CTNND2: variants seen among roughly 807,000 people sequenced by gnomAD.
CTNND2 encodes catenin delta 2.
CTNND2 carries 22 observed loss-of-function variants against 144.4 expected under a neutral mutation model. That is an observed-to-expected ratio of 0.15 (90% confidence interval 0.11 to 0.22). The LOEUF (loss-of-function observed/expected upper bound fraction) is 0.22. Among genes scored for constraint, CTNND2 ranks in the 10% least tolerant of loss-of-function variants. The pLI, the probability that CTNND2 is intolerant of heterozygous loss-of-function variation, is 1.00. For missense variants in CTNND2, 1,353 were observed against 1,618.8 expected, an observed-to-expected ratio of 0.84 and a Z score of 2.82; for synonymous variants, 751 against 695.6, an observed-to-expected ratio of 1.08 and a Z score of -1.25.
At chr5:11,158,056 C>T (rs1046572704) in intron 12 of CTNND2, among the ~76,000 whole-genome samples, 10 of 152,182 alleles carry the variant, frequency 6.6e-5, no homozygotes, top group African/African-American at 2.4e-4. Flanking sequence ...TCAAACACCA[C>T]GAAGACATAC....
At chr5:11,512,563 C>G (rs1771754249) in intron 3 of CTNND2, among the ~76,000 whole-genome samples, 1 of 152,180 alleles carries the variant, frequency 6.6e-6, no homozygotes, top group Non-Finnish European at 1.5e-5. Flanking sequence ...AAAGTCACCA[C>G]CTCCTTTCTA....
chr5:11,269,772 A>T (rs545417624), intron 9 of CTNND2, among the ~76,000 whole-genome samples: 1 of 152,296 alleles, frequency 6.6e-6, no homozygotes, highest in South Asian at 2.1e-4. Context: ...TTTTTACAGG[A>T]GTAAAATCCC....
intron 1 of CTNND2, among the ~76,000 whole-genome samples, chr5:11,896,545 G>A (rs1737406931): frequency 6.6e-6 from 1 of 152,096 alleles, no homozygotes; most frequent in Non-Finnish European, 1.5e-5. Flanking sequence ...TTTAAGTCAT[G>A]CATTCAGCTA....
intron 1 of CTNND2, among the ~76,000 whole-genome samples, chr5:11,832,214 C>T (rs188493865): frequency 6.6e-5 from 10 of 151,780 alleles, no homozygotes; most frequent in African/African-American, 1.4e-4. Context: ...AACCCGGAGG[C>T]GGAGCTTGCA....
At chr5:10,986,560 T>C (rs1424165934) in intron 20 of CTNND2, 2 of 452,386 alleles carry the variant, frequency 4.4e-6, no homozygotes, top group African/African-American at 4.0e-5. Flanking sequence ...GGACTCAGAA[T>C]TCAGATTCAC....
intron 9 of CTNND2, among the ~76,000 whole-genome samples, chr5:11,240,505 C>T (rs1374641924): frequency 2.2e-5 from 3 of 138,248 alleles, no homozygotes; most frequent in Non-Finnish European, 4.7e-5. Flanking sequence ...AACACACACA[C>T]CCAACACACA....
At chr5:11,786,709 C>T (rs1790857478) in intron 1 of CTNND2, among the ~76,000 whole-genome samples, 1 of 148,860 alleles carries the variant, frequency 6.7e-6, no homozygotes, top group Non-Finnish European at 1.5e-5. Context: ...AGATCCCTCT[C>T]CTTTAGTTTT....
chr5:11,760,797 G>GT (rs5865963), intron 1 of CTNND2, among the ~76,000 whole-genome samples: 1 of 151,792 alleles, frequency 6.6e-6, no homozygotes, highest in African/African-American at 2.4e-5. Context: ...CATTTATGTA[G>GT]TTTTTTTTTA....
At chr5:11,551,051 C>T (rs955843012) in intron 3 of CTNND2, among the ~76,000 whole-genome samples, 1 of 152,148 alleles carries the variant, frequency 6.6e-6, no homozygotes, top group African/African-American at 2.4e-5. Context: ...CTCTAACGTG[C>T]ACTGTGGAGC....
Position 10,973,701 on chromosome 5 carries a change from G to T in CTNND2, c.3430C>A (p.Pro1144Thr), listed in dbSNP as rs2149476230. The change falls in exon 22 of 22, where the codon CCA (proline) becomes ACA (threonine). Residue 1144 changes from proline to threonine, a missense_variant. By Grantham distance (38) the Pro-to-Thr change is conservative (BLOSUM62 -1). This residue lies in a region of CTNND2 where 459 missense variants were observed against 674.3 expected (regional missense o/e 0.68). Coordinates refer to ENST00000304623, the MANE Select transcript of CTNND2 (RefSeq NM_001332.4). The surrounding 1 kb of genome is among the most constrained non-coding windows in gnomAD (Gnocchi z 5.6). ...TTTCTGCTGGGCTCCTGTGGGACTG[G>T]CTGTGCTGAAACCTAAACGGGAAAG... Reference protein sequence around the residue: ...DIKHNQVSAQPVPQEPSRKDY... With the variant: ...DIKHNQVSAQTVPQEPSRKDY... 6.2e-7 allele frequency: 1 copy of T among 1,603,144 alleles called. No individual in the cohort carries two copies. Among genetic ancestry groups the T allele is most frequent in the South Asian group, 1.1e-5 (1 of 88,676 alleles).
intron 6 of CTNND2, 131 bp downstream of exon 6, chr5:11,396,900 T>G (rs1268153095): frequency 5.9e-5 from 47 of 792,934 alleles, no homozygotes; most frequent in Non-Finnish European, 6.2e-5. Flanking sequence ...CAAAGGGCAT[T>G]TTCCCTCAAG....
intron 20 of CTNND2, among the ~76,000 whole-genome samples, chr5:10,982,665 A>C (rs1737435873): frequency 6.6e-6 from 1 of 152,270 alleles, no homozygotes; most frequent in Non-Finnish European, 1.5e-5. Flanking sequence ...TTAGAAAGAA[A>C]GGAAATCAGT....
At chr5:11,254,911 C>T (rs192999269) in intron 9 of CTNND2, among the ~76,000 whole-genome samples, 1 of 152,270 alleles carries the variant, frequency 6.6e-6, no homozygotes. Flanking sequence ...AGAGGCACTA[C>T]ATTAGGTCAA....
chr5:11,446,647 G>A (rs2149903670), intron 3 of CTNND2, among the ~76,000 whole-genome samples: 1 of 152,248 alleles, frequency 6.6e-6, no homozygotes, highest in East Asian at 1.9e-4. Flanking sequence ...TGAAGGAGAA[G>A]TGTCTGTGCT....
At chr5:11,267,868 T>A (rs1180425927) in intron 9 of CTNND2, among the ~76,000 whole-genome samples, 1 of 152,196 alleles carries the variant, frequency 6.6e-6, no homozygotes, top group East Asian at 1.9e-4. Context: ...TTTCCTGATG[T>A]TGAACGTGAA....
At chr5:11,877,554 CTG>C (rs201652168) in intron 1 of CTNND2, among the ~76,000 whole-genome samples, 488 of 152,168 alleles carry the variant, frequency 3.2e-3, no homozygotes, top group Middle Eastern at 0.02. Context: ...AATTTTTAAG[CTG>C]TGTTACCAAT....
chr5:11,589,319 A>ACACACACACACG (rs1561596539), intron 2 of CTNND2, among the ~76,000 whole-genome samples: 2 of 150,402 alleles, frequency 1.3e-5, no homozygotes, highest in African/African-American at 5.0e-5. Flanking sequence ...ACACGACAAC[A>ACACACACACACG]ACAACAACAA....
chr5:11,243,967 T>A (rs1436499639), intron 9 of CTNND2, among the ~76,000 whole-genome samples: 1 of 152,190 alleles, frequency 6.6e-6, no homozygotes, highest in Admixed American at 6.5e-5. Context: ...ATTATTAAAA[T>A]GTATGATAAT....
chr5:11,657,546 A>C (rs551523529), intron 2 of CTNND2, among the ~76,000 whole-genome samples: 1 of 152,138 alleles, frequency 6.6e-6, no homozygotes, highest in Admixed American at 6.6e-5. Context: ...TATTAAATTC[A>C]AAGTGTCTCA....
Sources: allele counts gnomAD v4.1 joint callset (sites outside exome capture counted in the v4.1 genomes callset), GRCh38; gene constraint gnomAD v4.1.1; regional missense constraint gnomAD v4.1.1; non-coding constraint Gnocchi (gnomAD v3.1); transcripts MANE v1.5; gene names NCBI Gene and HGNC (gene_info 2026-07-23, HGNC 2026-07-21).